Variants in MTBP observed in about 807,000 individuals in gnomAD.
The protein encoded by MTBP is mdm2-binding protein.
In MTBP, 101 loss-of-function variants were observed where a neutral mutation model predicts 117.0. The ratio of observed to expected loss-of-function variants is 0.86; its 90% CI spans 0.73 to 1.02. The LOEUF is 1.02. MTBP is among the 50% of genes least tolerant of loss of function. MTBP has a pLI of 0.00. For missense variants in MTBP, 970 were observed against 1,030.9 expected (o/e 0.94, Z 0.81); for synonymous variants, 350 against 351.5 (o/e 1.00, Z 0.05).
chr8:120,475,567 A>G (rs1813915305), intron 11 of MTBP, among the ~76,000 whole-genome samples: 1 of 151,958 alleles, frequency 6.6e-6, no homozygotes, highest in Non-Finnish European at 1.5e-5. Flanking sequence ...CTTATCAGCA[A>G]TTTCACATAG....
chr8:120,464,848 T>A (rs1369969957), intron 10 of MTBP, among the ~76,000 whole-genome samples: 1 of 152,094 alleles, frequency 6.6e-6, no homozygotes, highest in Non-Finnish European at 1.5e-5. Flanking sequence ...CTACTGTGTA[T>A]GAGGTACTAT....
chr8:120,480,935 C>T (rs1219483349), intron 11 of MTBP, among the ~76,000 whole-genome samples: 2 of 152,044 alleles, frequency 1.3e-5, no homozygotes, highest in African/African-American at 4.8e-5. Flanking sequence ...TAGTTCCAGT[C>T]GTATATCTGA....
Position 120,470,796 on chromosome 8 carries a change from A to T in MTBP, c.1048-24A>T, listed in dbSNP as rs150279596. 1.7e-4 allele frequency: 254 copies of T among 1,501,314 alleles called. No homozygotes were observed. The African/African-American group carries it at 3.2e-3, about 19-fold the overall frequency. The allele number at this position is 1,501,314 out of a possible 1,614,324, so 93.0% of individuals were successfully genotyped here. ...GAATGAATCTCAATGTGCAATCAAT[A>T]AAAATATGGTCTGTTTTATTCAGGT... On this transcript the variant is annotated intron_variant, in intron 10 of 21. Coordinates refer to ENST00000305949, the MANE Select transcript of MTBP (RefSeq NM_022045.5).
At chr8:120,494,081 T>C (rs930119810) in intron 13 of MTBP, among the ~76,000 whole-genome samples, 19 of 152,182 alleles carry the variant, frequency 1.2e-4, no homozygotes, top group Admixed American at 1.0e-3. Context: ...AATGTCCACA[T>C]TGGTGATGCA....
chr8:120,464,178 C>T (rs138302402), intron 10 of MTBP, among the ~76,000 whole-genome samples: 45 of 151,964 alleles, frequency 3.0e-4, no homozygotes, highest in African/African-American at 9.9e-4. Flanking sequence ...ACTAAATTGT[C>T]ATTTGGGAGT....
intron 15 of MTBP, among the ~76,000 whole-genome samples, chr8:120,505,958 A>G (rs923375122): frequency 1.3e-5 from 2 of 152,188 alleles, no homozygotes; most frequent in Non-Finnish European, 2.9e-5. Flanking sequence ...GTATGTTAGC[A>G]TCTTTACTTG....
intron 10 of MTBP, 68 bp downstream of exon 10, chr8:120,463,829 A>T (rs1813631570): frequency 1.4e-6 from 2 of 1,407,286 alleles, no homozygotes; most frequent in South Asian, 2.5e-5. Flanking sequence ...GATGTGTAAG[A>T]AAAGGGAATG....
intron 2 of MTBP, among the ~76,000 whole-genome samples, chr8:120,448,996 C>G (rs1813282132): frequency 6.6e-6 from 1 of 152,082 alleles, no homozygotes. Flanking sequence ...CCATTAAAAG[C>G]TTTAATTAAG....
chr8:120,499,989 A>G (rs1398226065), intron 14 of MTBP, among the ~76,000 whole-genome samples: 1 of 152,174 alleles, frequency 6.6e-6, no homozygotes, highest in African/African-American at 2.4e-5. Flanking sequence ...TTCTTGCTTT[A>G]TTAATTTGCA....
At chr8:120,522,916 CAA>C (rs772332761) in intron 21 of MTBP, among the ~76,000 whole-genome samples, 197 bp downstream of exon 21, 3 of 151,918 alleles carry the variant, frequency 2.0e-5, no homozygotes, top group Non-Finnish European at 4.4e-5. Context: ...GCTCTGTCAG[CAA>C]AAGAGTTTCT....
chr8:120,492,313 AAGGCATTTGCAG>A (rs758126656), intron 13 of MTBP, among the ~76,000 whole-genome samples: 19 of 152,368 alleles, frequency 1.2e-4, no homozygotes, highest in East Asian at 5.8e-4. Context: ...TGTGTCTCAA[AAGGCATTTGCAG>A]AGGCATTTGC....
intron 5 of MTBP, among the ~76,000 whole-genome samples, chr8:120,455,214 C>G (rs766244513): frequency 1.3e-5 from 2 of 151,786 alleles, no homozygotes; most frequent in Non-Finnish European, 2.9e-5. Context: ...GATAACATGG[C>G]TTTCAATAAA....
intron 14 of MTBP, among the ~76,000 whole-genome samples, chr8:120,501,340 C>T (rs186070699): frequency 0.014 from 2,071 of 151,738 alleles, 42 homozygotes; most frequent in African/African-American, 0.046. Flanking sequence ...CCAGCCTGGG[C>T]GACAGCGAGA....
At chr8:120,489,078 C>T (rs1458724337) in intron 12 of MTBP, among the ~76,000 whole-genome samples, 7 of 142,882 alleles carry the variant, frequency 4.9e-5, no homozygotes, top group African/African-American at 7.5e-5. Context: ...CTTCCTCTGT[C>T]ACCAGGCTAG....
At chr8:120,492,533 C>T (rs1814367110) in intron 13 of MTBP, among the ~76,000 whole-genome samples, 2 of 152,084 alleles carry the variant, frequency 1.3e-5, no homozygotes, top group Non-Finnish European at 2.9e-5. Flanking sequence ...AATATCCATA[C>T]AGAGATTATA....
rs150545463 is a variant in MTBP at position 120,477,335 on chromosome 8, G to A, written c.1165+6398G>A. Among the ~76,000 whole-genome samples, 14 of 152,286 alleles carry A rather than the reference G, an allele frequency of 9.2e-5. No homozygotes were observed. The East Asian group carries it at 2.7e-3, about 29-fold the overall frequency. On this transcript the variant is annotated intron_variant, in intron 11 of 21. Transcript: ENST00000305949. ...CTTAGGCAGTACCATTCAGGACATA[G>A]GCATGGGCAAAGACTTCATGAGTAA...
chr8:120,503,238 G>A (rs983299951), intron 15 of MTBP, among the ~76,000 whole-genome samples: 4 of 152,244 alleles, frequency 2.6e-5, no homozygotes, highest in Non-Finnish European at 4.4e-5. Flanking sequence ...TCATACACAT[G>A]AAACAGGCAT....
intron 2 of MTBP, among the ~76,000 whole-genome samples, chr8:120,447,936 TC>T (rs1813262124): frequency 6.6e-6 from 1 of 151,848 alleles, no homozygotes. Flanking sequence ...ATTTTTTTTT[TC>T]TTTTTTTGAG....
chr8:120,465,507 T>C (rs1813667261), intron 10 of MTBP, among the ~76,000 whole-genome samples: 1 of 152,170 alleles, frequency 6.6e-6, no homozygotes, highest in African/African-American at 2.4e-5. Flanking sequence ...TCTTTGAAGT[T>C]TATGTGGCCC....
Sources: allele counts gnomAD v4.1 joint callset (sites outside exome capture counted in the v4.1 genomes callset), GRCh38; gene constraint gnomAD v4.1.1; transcripts MANE v1.5; gene names NCBI Gene and HGNC (gene_info 2026-07-23, HGNC 2026-07-21).